Variants in DAB1 observed in about 807,000 individuals in gnomAD.
The protein encoded by DAB1 is disabled homolog 1.
Under a neutral mutation model 64.6 loss-of-function variants are expected in DAB1, and 15 were observed. The ratio of observed to expected loss-of-function variants is 0.23; its 90% CI spans 0.16 to 0.36. DAB1 has a LOEUF of 0.36. DAB1 is among the 10% of genes least tolerant of loss of function. DAB1 has a pLI of 1.00. For synonymous variants in DAB1, 235 were observed against 251.9 expected, an observed-to-expected ratio of 0.93 and a Z score of 0.64; for missense variants, 596 against 706.7, an observed-to-expected ratio of 0.84 and a Z score of 1.78.
intron 5 of DAB1, among the ~76,000 whole-genome samples, chr1:58,101,598 C>A (rs903785449): frequency 6.6e-6 from 1 of 152,184 alleles, no homozygotes; most frequent in South Asian, 2.1e-4. Context: ...GAGTGCCTGG[C>A]ACATATTAAG....
At chr1:58,093,604 T>C (rs138288786) in intron 5 of DAB1, among the ~76,000 whole-genome samples, 3 of 151,374 alleles carry the variant, frequency 2.0e-5, no homozygotes, top group African/African-American at 7.3e-5. Context: ...CCCTGCCTGG[T>C]CCATGGAAAA....
intron 1 of DAB1, among the ~76,000 whole-genome samples, chr1:57,829,285 A>G (rs1245010772): frequency 1.3e-5 from 2 of 152,252 alleles, no homozygotes; most frequent in Non-Finnish European, 1.5e-5. Flanking sequence ...AAAATGAAGT[A>G]TAAAAACAAT....
chr1:57,247,077 G>C (rs55702634), intron 2 of DAB1, among the ~76,000 whole-genome samples: 88,686 of 151,364 alleles, frequency 0.59, 26,135 homozygotes, highest in Admixed American at 0.66. Context: ...AGTTAAGAAA[G>C]TTTGGGAGAC....
chr1:58,200,865 C>T (rs780636993), intron 4 of DAB1, among the ~76,000 whole-genome samples: 3 of 152,042 alleles, frequency 2.0e-5, no homozygotes, highest in Non-Finnish European at 4.4e-5. Context: ...AGTATTTAGC[C>T]CAACTCAAAC....
intron 3 of DAB1, among the ~76,000 whole-genome samples, chr1:58,412,998 G>T (rs1174918510): frequency 6.6e-6 from 1 of 152,228 alleles, no homozygotes; most frequent in Non-Finnish European, 1.5e-5. Flanking sequence ...AAGGGGTAAG[G>T]AGTCCCGAAT....
chr1:57,148,605 C>T (rs1352375563), intron 2 of DAB1, among the ~76,000 whole-genome samples: 1 of 152,168 alleles, frequency 6.6e-6, no homozygotes, highest in African/African-American at 2.4e-5. Context: ...CTGAAAACAC[C>T]ACTGACCCTC....
At chr1:57,881,032 T>C (rs1451018417) in intron 1 of DAB1, 1 of 152,234 alleles carries the variant, frequency 6.6e-6, no homozygotes, top group Admixed American at 6.5e-5. Context: ...TTGAATGACC[T>C]GGGCATGATT....
upstream of DAB1, among the ~76,000 whole-genome samples, chr1:57,426,875 T>TATA (rs1553180831): frequency 1.4e-4 from 18 of 130,068 alleles, no homozygotes; most frequent in South Asian, 4.3e-3. Context: ...TATATATATA[T>TATA]TTTTTTGAGA....
intron 5 of DAB1, among the ~76,000 whole-genome samples, chr1:58,106,219 C>T (rs2100642047): frequency 6.6e-6 from 1 of 151,318 alleles, no homozygotes; most frequent in South Asian, 2.1e-4. Context: ...GCTCTGTTGC[C>T]CAGGCTGGAG....
At chr1:58,269,090 T>G (rs373857015) in intron 4 of DAB1, among the ~76,000 whole-genome samples, 2,624 of 151,220 alleles carry the variant, frequency 0.017, 27 homozygotes, top group Middle Eastern at 0.082. Context: ...TGTATACATG[T>G]GCCATGCTGG....
intron 4 of DAB1, among the ~76,000 whole-genome samples, chr1:57,112,449 T>A (rs959092739): frequency 2.6e-5 from 4 of 152,174 alleles, no homozygotes; most frequent in African/African-American, 9.7e-5. Context: ...CGGGCCCTTA[T>A]GCTGTCTTCT....
intron 1 of DAB1, among the ~76,000 whole-genome samples, chr1:58,536,306 C>A (rs762189522): frequency 1.1e-4 from 16 of 151,904 alleles, no homozygotes; most frequent in Non-Finnish European, 1.8e-4. Flanking sequence ...ATGTGCTGAG[C>A]AGGAGTTAGC....
intron 5 of DAB1, among the ~76,000 whole-genome samples, chr1:57,961,370 T>C (rs186819129): frequency 2.0e-5 from 3 of 152,310 alleles, no homozygotes; most frequent in Admixed American, 2.0e-4. Flanking sequence ...TTCAATTTCC[T>C]TCTTCTCAAA....
rs537628551 is a variant in DAB1, at chr1:58,123,151, G to T, written n.387+27360C>A. Among the ~76,000 whole-genome samples, 134 of 152,266 alleles carry T rather than the reference G, an allele frequency of 8.8e-4. 1 individual carries two copies. The highest frequency in any genetic ancestry group is 3.1e-3 in the African/African-American group (127 of 41,568). ...GCTGGCCCCTGACTGGTGACTACAA[G>T]GGCAAGTAATCGCCATGACAGCATT... On this transcript the variant is annotated intron_variant and non_coding_transcript_variant, in intron 5 of 20. Transcript: ENST00000485760.
At chr1:57,274,574 C>T (rs1671304313) in intron 2 of DAB1, among the ~76,000 whole-genome samples, 1 of 152,104 alleles carries the variant, frequency 6.6e-6, no homozygotes, top group South Asian at 2.1e-4. Flanking sequence ...ATATTCCAGG[C>T]TTTCAGTGAT....
intron 1 of DAB1, among the ~76,000 whole-genome samples, chr1:57,422,510 G>T (rs1684997649): frequency 6.6e-6 from 1 of 152,100 alleles, no homozygotes; most frequent in South Asian, 2.1e-4. Context: ...ACCGACCCAC[G>T]CGGGCGCGCA....
intron 7 of DAB1, among the ~76,000 whole-genome samples, chr1:57,622,724 T>A (rs80029974): frequency 2.6e-4 from 39 of 152,346 alleles, no homozygotes; most frequent in African/African-American, 8.4e-4. Context: ...ATTTTGCTGC[T>A]CCATCGCTGC....
chr1:57,988,144 C>T (rs1464021338), intron 5 of DAB1, among the ~76,000 whole-genome samples: 1 of 152,038 alleles, frequency 6.6e-6, no homozygotes. Flanking sequence ...CACATACATG[C>T]GGCCATTGGT....
intron 1 of DAB1, among the ~76,000 whole-genome samples, chr1:57,869,911 G>T (rs980907217): frequency 2.6e-5 from 4 of 151,976 alleles, no homozygotes; most frequent in African/African-American, 9.7e-5. Flanking sequence ...TACTTATCCT[G>T]GCTGCATGAG....
Sources: allele counts gnomAD v4.1 joint callset (sites outside exome capture counted in the v4.1 genomes callset), GRCh38; gene constraint gnomAD v4.1.1; transcripts MANE v1.5; gene names NCBI Gene and HGNC (gene_info 2026-07-23, HGNC 2026-07-21).